The following CERS3 variants were observed in gnomAD, a reference collection of about 807,000 sequenced individuals.
CERS3 encodes LAG1 homolog, ceramide synthase 3.
CERS3 carries 33 observed loss-of-function variants against 50.3 expected under a neutral mutation model. The ratio of observed to expected loss-of-function variants is 0.66; its 90% CI spans 0.50 to 0.88. The LOEUF is 0.88. CERS3 is among the 40% of genes least tolerant of loss of function. The pLI, the probability that CERS3 is intolerant of heterozygous loss-of-function variation, is 0.00. For synonymous variants in CERS3, 176 were observed against 155.2 expected (o/e 1.13, Z -0.99); for missense variants, 470 against 460.3 (o/e 1.02, Z -0.19).
intron 11 of CERS3, among the ~76,000 whole-genome samples, chr15:100,452,811 G>T (rs1596687296): frequency 6.6e-6 from 1 of 152,058 alleles, no homozygotes; most frequent in African/African-American, 2.4e-5. Flanking sequence ...AAACAAAAAA[G>T]ACACATTACA....
intron 3 of CERS3, among the ~76,000 whole-genome samples, chr15:100,496,598 G>A (rs2654622): frequency 0.86 from 130,431 of 151,898 alleles, 57,358 homozygotes; most frequent in East Asian, 0.99. Flanking sequence ...TAATCGTGGT[G>A]ATGCTTGCAA....
upstream of CERS3, among the ~76,000 whole-genome samples, chr15:100,530,505 G>A (rs1325831975): frequency 1.3e-5 from 2 of 152,128 alleles, no homozygotes; most frequent in African/African-American, 2.4e-5. Flanking sequence ...CCCTAGCCTC[G>A]GCCCTCTCTG....
At chr15:100,527,384 A>G (rs1431870181) in intron 1 of CERS3, among the ~76,000 whole-genome samples, 1 of 152,210 alleles carries the variant, frequency 6.6e-6, no homozygotes, top group African/African-American at 2.4e-5. Flanking sequence ...CTGTCTTTCT[A>G]GTCAATGTTC....
chr15:100,511,421 A>G (rs2036335246), intron 2 of CERS3, among the ~76,000 whole-genome samples: 1 of 151,852 alleles, frequency 6.6e-6, no homozygotes. Context: ...AAAATAATCC[A>G]GGGACTTTTT....
intron 1 of CERS3, among the ~76,000 whole-genome samples, chr15:100,537,319 A>C (rs1175096378): frequency 6.6e-6 from 1 of 152,242 alleles, no homozygotes; most frequent in Admixed American, 6.5e-5. Flanking sequence ...GTTGTTCCAG[A>C]GGGCATTAGA....
intron 11 of CERS3, among the ~76,000 whole-genome samples, chr15:100,447,869 C>T (rs891722595): frequency 6.6e-6 from 1 of 152,160 alleles, no homozygotes; most frequent in Non-Finnish European, 1.5e-5. Context: ...TGTTGCCTTT[C>T]CCTCACTGTG....
At chr15:100,451,146 GAA>G (rs916175540) in intron 11 of CERS3, among the ~76,000 whole-genome samples, 3 of 151,634 alleles carry the variant, frequency 2.0e-5, no homozygotes, top group Non-Finnish European at 4.4e-5. Flanking sequence ...CATAAATGAA[GAA>G]GAGAAAGGAC....
intron 3 of CERS3, among the ~76,000 whole-genome samples, chr15:100,497,852 TACACACACACACACACACAC>T (rs57343426): frequency 9.2e-6 from 1 of 108,820 alleles, no homozygotes; most frequent in East Asian, 2.8e-4. Context: ...ACCTATCTCT[TACACACACACACACACACAC>T]ACACACACAC....
chr15:100,490,703 G>A (rs1196225150), intron 4 of CERS3, 114 bp downstream of exon 4: 1 of 678,870 alleles, frequency 1.5e-6, no homozygotes, highest in African/African-American at 1.8e-5. Flanking sequence ...AGTGAATCCA[G>A]ATCATTTGCT....
chr15:100,516,806 G>T (rs2036502655), intron 2 of CERS3, among the ~76,000 whole-genome samples: 1 of 152,200 alleles, frequency 6.6e-6, no homozygotes, highest in Non-Finnish European at 1.5e-5. Context: ...GTCCTGGAGA[G>T]GCTGTGTTGC....
At chr15:100,476,212 G>T in intron 7 of CERS3, 34 bp from the exon 8 acceptor site, 2 of 1,419,432 alleles carry the variant, frequency 1.4e-6, no homozygotes, top group Non-Finnish European at 1.9e-6. Context: ...TACTTTAAAT[G>T]CCATCATAGA....
intron 11 of CERS3, among the ~76,000 whole-genome samples, chr15:100,404,572 G>A (rs898481281): frequency 1.6e-4 from 25 of 152,222 alleles, no homozygotes; most frequent in African/African-American, 3.6e-4. Flanking sequence ...TAGATTCCAC[G>A]CAATACTAAT....
chr15:100,524,093 T>C (rs956211), intron 1 of CERS3, among the ~76,000 whole-genome samples: 87,340 of 151,974 alleles, frequency 0.57, 25,585 homozygotes, highest in Admixed American at 0.63. Context: ...ATTGGTCTAT[T>C]GTTCCCTAGT....
In CERS3 at chr15:100,448,970, T is replaced by C. The variant is rs373655117; in HGVS notation, c.999+6923A>G. Among the ~76,000 whole-genome samples, 15 of 152,298 alleles carry C rather than the reference T, an allele frequency of 9.8e-5. No homozygotes were observed. In the South Asian group the frequency reaches 2.7e-3, roughly 27 times the overall value. ...AGCTTGTGCTCCCTAGCCAACCACC[T>C]GCAGGTGCTGCCACTGAAAGTAACC... On this transcript the variant is annotated intron_variant, in intron 11 of 11. Transcript: ENST00000679737.
upstream of CERS3, among the ~76,000 whole-genome samples, chr15:100,529,552 C>G (rs2142407511): frequency 6.6e-6 from 1 of 152,314 alleles, no homozygotes; most frequent in South Asian, 2.1e-4. Context: ...CAAAGACAGA[C>G]AAGCTCATTA....
At chr15:100,482,121 T>A (rs1001376876) in intron 5 of CERS3, among the ~76,000 whole-genome samples, 64 of 152,346 alleles carry the variant, frequency 4.2e-4, no homozygotes, top group Non-Finnish European at 8.2e-4. Flanking sequence ...CACCAAAAAG[T>A]TGGAGAATTG....
At chr15:100,435,298 A>G (rs1204945847) in intron 11 of CERS3, among the ~76,000 whole-genome samples, 2 of 152,214 alleles carry the variant, frequency 1.3e-5, no homozygotes, top group Non-Finnish European at 2.9e-5. Flanking sequence ...GTCAGTCCTG[A>G]GTGACTGCAG....
intron 11 of CERS3, among the ~76,000 whole-genome samples, chr15:100,421,462 T>C (rs571805969): frequency 1.9e-4 from 29 of 152,222 alleles, no homozygotes; most frequent in Non-Finnish European, 3.8e-4. Context: ...GAACATTCCA[T>C]GCTCATGGGT....
At chr15:100,488,770 T>C (rs2035558518) in intron 4 of CERS3, among the ~76,000 whole-genome samples, 1 of 140,256 alleles carries the variant, frequency 7.1e-6, no homozygotes, top group Non-Finnish European at 1.5e-5. Context: ...ACTTCGGGGG[T>C]GATATATAAC....
Sources: allele counts gnomAD v4.1 joint callset (sites outside exome capture counted in the v4.1 genomes callset), GRCh38; gene constraint gnomAD v4.1.1; transcripts MANE v1.5; gene names NCBI Gene and HGNC (gene_info 2026-07-23, HGNC 2026-07-21).